The following OPHN1 variants were observed in gnomAD, a reference collection of about 807,000 sequenced individuals.
OPHN1 encodes the protein oligophrenin 1.
Under a neutral mutation model 60.7 loss-of-function variants are expected in OPHN1, and 11 were observed. That is an observed-to-expected ratio of 0.18 (90% CI 0.11 to 0.30). OPHN1 has a LOEUF of 0.30. OPHN1 is among the 10% of genes least tolerant of loss of function. The pLI, the probability that OPHN1 is intolerant of heterozygous loss-of-function variation, is 1.00. For missense variants in OPHN1, 449 were observed against 611.0 expected (o/e 0.73, Z 2.80); for synonymous variants, 226 against 222.6 (o/e 1.02, Z -0.14).
At chrX:68,346,689 A>T (rs1162334474) in intron 2 of OPHN1, among the ~76,000 whole-genome samples, 1 of 112,265 alleles carries the variant, frequency 8.9e-6, no homozygotes, top group African/African-American at 3.2e-5. Flanking sequence ...AAAGGTCCCT[A>T]TTAATTGTCC....
chrX:68,106,340 G>A (rs756981106), intron 18 of OPHN1, among the ~76,000 whole-genome samples: 2 of 110,440 alleles, frequency 1.8e-5, no homozygotes, highest in Non-Finnish European at 3.8e-5. Flanking sequence ...CAGGCCTAAG[G>A]TTACATAGGG....
chrX:68,190,963 A>G (rs2077485540), intron 15 of OPHN1, among the ~76,000 whole-genome samples: 1 of 111,914 alleles, frequency 8.9e-6, no homozygotes, highest in African/African-American at 3.3e-5. Flanking sequence ...GAATTCAAAA[A>G]CCACACCTGC....
intron 8 of OPHN1, among the ~76,000 whole-genome samples, 169 bp downstream of exon 8, chrX:68,211,939 G>A (rs2077586395): frequency 8.9e-6 from 1 of 112,223 alleles, no homozygotes; most frequent in Non-Finnish European, 1.9e-5. Flanking sequence ...AGATGTGAAA[G>A]TGGAAGAGCA....
At chrX:68,375,369 C>T (rs894260930) in intron 2 of OPHN1, among the ~76,000 whole-genome samples, 2 of 111,022 alleles carry the variant, frequency 1.8e-5, no homozygotes, top group African/African-American at 6.5e-5. Flanking sequence ...TGGAGGTGCA[C>T]ACCTGTAGTC....
At chrX:68,175,425 A>C (rs887215269) in intron 15 of OPHN1, among the ~76,000 whole-genome samples, 6 of 111,026 alleles carry the variant, frequency 5.4e-5, no homozygotes, top group Non-Finnish European at 7.5e-5. Flanking sequence ...ACCAAACAAG[A>C]ATTTTTTTTC....
At chrX:68,238,410 T>C (rs1014402161) in intron 5 of OPHN1, among the ~76,000 whole-genome samples, 6 of 106,154 alleles carry the variant, frequency 5.7e-5, no homozygotes, top group African/African-American at 2.1e-4. Flanking sequence ...TCTTTTGTCT[T>C]TTTTTTTTTA....
At chrX:68,162,035 G>A (rs747091558) in intron 15 of OPHN1, among the ~76,000 whole-genome samples, 37 of 111,134 alleles carry the variant, frequency 3.3e-4, no homozygotes, top group Non-Finnish European at 5.5e-4. Context: ...GTTTGGGAGT[G>A]TGCATGTGTA....
At chrX:68,420,460 A>G (rs770982898) in intron 2 of OPHN1, among the ~76,000 whole-genome samples, 5 of 111,977 alleles carry the variant, frequency 4.5e-5, no homozygotes, top group African/African-American at 6.5e-5. Flanking sequence ...AGTGCCTGGT[A>G]TACTGTAAAG....
chrX:68,130,542 T>G (rs1445285235), intron 15 of OPHN1, among the ~76,000 whole-genome samples: 1 of 111,793 alleles, frequency 8.9e-6, no homozygotes, highest in East Asian at 2.8e-4. Flanking sequence ...TGTATCATAG[T>G]ATATAGCCAT....
chrX:68,319,627 T>TCGAGAGGCTGAGGTGGGAGGATTG (rs2078225721), intron 2 of OPHN1, among the ~76,000 whole-genome samples: 1 of 109,994 alleles, frequency 9.1e-6, no homozygotes. Flanking sequence ...TCCCAGCTAC[T>TCGAGAGGCTGAGGTGGGAGGATTG]CGAGAGGCTG....
rs369171890 is a variant in OPHN1 at position 68,293,269 on chromosome X, T to C, written c.250+5732A>G. 4.3e-4 allele frequency among the ~76,000 whole-genome samples: 48 copies of C among 112,433 alleles called. No individual in the cohort carries two copies. The East Asian group carries it at 7.8e-3, about 18-fold the overall frequency. On this transcript the variant is annotated intron_variant, in intron 3 of 24. Transcript: ENST00000355520. ...CCAACAAAAGCCCTCAAGAGACTAT[T>C]TCTTAGTCCCTTCTTTATCTCAACC... is the stretch of plus-strand genomic sequence containing the variant.
intron 15 of OPHN1, among the ~76,000 whole-genome samples, chrX:68,174,726 C>T (rs2077406767): frequency 2.7e-5 from 3 of 110,182 alleles, no homozygotes; most frequent in Admixed American, 9.7e-5. Flanking sequence ...CCCACCTCAG[C>T]CTCCTAAAGT....
At chrX:68,160,008 A>C (rs761146917) in intron 15 of OPHN1, among the ~76,000 whole-genome samples, 89 of 109,834 alleles carry the variant, frequency 8.1e-4, no homozygotes, top group South Asian at 1.9e-3. Context: ...AAAAAAAAAA[A>C]CAAGATCCAG....
chrX:68,403,564 C>G (rs1042073231), intron 2 of OPHN1, among the ~76,000 whole-genome samples: 1 of 110,979 alleles, frequency 9.0e-6, no homozygotes, highest in Non-Finnish European at 1.9e-5. Flanking sequence ...TAGCTGCTTT[C>G]AATTTGCAGA....
intron 2 of OPHN1, among the ~76,000 whole-genome samples, chrX:68,313,584 C>A (rs2078184288): frequency 9.0e-6 from 1 of 111,233 alleles, no homozygotes; most frequent in Non-Finnish European, 1.9e-5. Flanking sequence ...GTGAAATAAG[C>A]CAGGCACAGA....
intron 15 of OPHN1, among the ~76,000 whole-genome samples, chrX:68,123,257 TAA>T (rs2147448067): frequency 9.0e-6 from 1 of 110,842 alleles, no homozygotes; most frequent in South Asian, 3.8e-4. Context: ...GAAGGAAAAA[TAA>T]AGACTTTCCA....
intron 2 of OPHN1, among the ~76,000 whole-genome samples, chrX:68,379,744 G>A (rs1162677420): frequency 7.3e-5 from 8 of 109,411 alleles, no homozygotes; most frequent in East Asian, 2.8e-4. Context: ...ATTGATTTGC[G>A]TATATTGAAC....
At chrX:68,075,878 A>G (rs1458027882) in intron 19 of OPHN1, among the ~76,000 whole-genome samples, 1 of 110,143 alleles carries the variant, frequency 9.1e-6, no homozygotes, top group Non-Finnish European at 1.9e-5. Flanking sequence ...CTGAAACTAT[A>G]AAATTTCGAG....
chrX:68,358,810 T>A (rs959262486), intron 2 of OPHN1, among the ~76,000 whole-genome samples: 29 of 111,906 alleles, frequency 2.6e-4, no homozygotes, highest in African/African-American at 9.4e-4. Flanking sequence ...GGTCAGGAAT[T>A]ATATTTTTCA....
Sources: gnomAD v4.1 joint callset for allele counts (sites outside exome capture counted in the v4.1 genomes callset) on GRCh38, gnomAD v4.1.1 for gene constraint, MANE v1.5 for transcripts, NCBI Gene and HGNC (gene_info 2026-07-23, HGNC 2026-07-21) for gene names.